ZNF827: variants seen among roughly 807,000 people sequenced by gnomAD.
ZNF827 encodes the protein zinc finger protein 827.
A neutral mutation model predicts 102.4 loss-of-function variants in ZNF827; 13 were observed. That is an observed-to-expected ratio of 0.13 (90% CI 0.08 to 0.20). The LOEUF (loss-of-function observed/expected upper bound fraction) is 0.20. Among genes scored for constraint, ZNF827 ranks in the 10% least tolerant of loss-of-function variants. The pLI, the probability that ZNF827 is intolerant of heterozygous loss-of-function variation, is 1.00. For synonymous variants in ZNF827, 523 were observed against 536.2 expected (o/e 0.98, Z 0.34); for missense variants, 1,103 against 1,344.4 (o/e 0.82, Z 2.81).
chr4:145,775,755 A>C (rs771632956), intron 10 of ZNF827, 34 bp downstream of exon 10: 2 of 1,612,270 alleles, frequency 1.2e-6, no homozygotes, highest in South Asian at 2.2e-5. Context: ...AGAGTCTGAG[A>C]AAGGCGGACT....
rs769538291 is a variant in ZNF827 at position 145,902,434 on chromosome 4, G to T, written c.825C>A (p.Ala275=). 1 of 1,614,178 alleles carries T rather than the reference G, an allele frequency of 6.2e-7. No homozygotes were observed. The highest frequency in any genetic ancestry group is 1.7e-5 in the Admixed American group (1 of 60,028). ...LTPGQEHPPP[A]SSFLSLASMT... ...TAGAAGCCAGGGAAAGGAAGGAGCT[G>T]GCCGGTGGAGGGTGCTCCTGACCAG... is the stretch of plus-strand genomic sequence containing the variant. Residue 275 remains alanine, a synonymous_variant, in exon 2 of 15, where the codon GCC becomes GCA. Coordinates refer to ENST00000508784, the MANE Select transcript of ZNF827 (RefSeq NM_001306215.2). This position sits in a 1 kb window ranked among gnomAD's most constrained non-coding sequence, Gnocchi z 4.3.
Position 145,779,248 on chromosome 4 carries a change from G to A in ZNF827, c.2521+126C>T. 2.4e-6 allele frequency: 3 copies of A among 1,273,464 alleles called. No individual in the cohort carries two copies. In the South Asian group the frequency reaches 5.1e-5, roughly 21 times the overall value. The allele number at this position is 1,273,464 out of a possible 1,614,324, so 78.9% of individuals were successfully genotyped here. A position where few individuals can be genotyped will look rare whatever the true frequency, so the allele number is the denominator to read the frequency against. ...TTCTTTAAACATGCCAGAGAAAATGGCTTGAAAAGGTCAGCCATTCCCAGC... is the reference window on the plus strand; with the variant it reads ...TTCTTTAAACATGCCAGAGAAAATGACTTGAAAAGGTCAGCCATTCCCAGC... On this transcript the variant is annotated intron_variant, in intron 9 of 14. Transcript: ENST00000508784.
chr4:145,919,468 T>C (rs989498457), intron 1 of ZNF827, among the ~76,000 whole-genome samples: 15 of 152,220 alleles, frequency 9.9e-5, no homozygotes, highest in African/African-American at 3.6e-4. Flanking sequence ...AAAAGCAGAA[T>C]GCTTTAGCAA....
chr4:145,786,401 A>C (rs1279142814), intron 8 of ZNF827, among the ~76,000 whole-genome samples: 1 of 152,252 alleles, frequency 6.6e-6, no homozygotes, highest in East Asian at 1.9e-4. Flanking sequence ...TATGACCTCA[A>C]TGCATAAATA....
intron 8 of ZNF827, among the ~76,000 whole-genome samples, chr4:145,807,220 A>T (rs1371271480): frequency 5.9e-5 from 9 of 152,212 alleles, no homozygotes; most frequent in African/African-American, 2.4e-5. Context: ...TCTCTGACAA[A>T]GACCTATCCT....
At chr4:145,807,548 C>T (rs1370728343) in intron 8 of ZNF827, among the ~76,000 whole-genome samples, 1 of 151,706 alleles carries the variant, frequency 6.6e-6, no homozygotes, top group Non-Finnish European at 1.5e-5. Context: ...TCTCAGCTCA[C>T]TGCAACCAAC....
intron 4 of ZNF827, among the ~76,000 whole-genome samples, chr4:145,873,782 C>T (rs1194551273): frequency 3.3e-5 from 5 of 152,136 alleles, no homozygotes; most frequent in Non-Finnish European, 5.9e-5. Context: ...GCTGGTCACC[C>T]TTCTAAAGCT....
intron 5 of ZNF827, among the ~76,000 whole-genome samples, chr4:145,863,345 C>T (rs1747899777): frequency 6.6e-6 from 1 of 152,200 alleles, no homozygotes; most frequent in South Asian, 2.1e-4. Context: ...TTGTCAGTTC[C>T]TTAAAATGTT....
At chr4:145,775,718 G>A (rs976067028) in intron 10 of ZNF827, 71 bp downstream of exon 10, 1 of 1,576,702 alleles carries the variant, frequency 6.3e-7, no homozygotes, top group Non-Finnish European at 8.7e-7. Flanking sequence ...TATGCCCACA[G>A]CAGACAGGTA....
At position 145,839,008 on chromosome 4, in the gene ZNF827, A is replaced by G. The variant is rs1745156287; in HGVS notation, c.2279+6948T>C. 2.6e-5 allele frequency: 4 copies of G among 152,364 alleles called. No homozygotes were observed. The South Asian group carries it at 8.3e-4, about 32-fold the overall frequency. The allele number at this position is 152,364 out of a possible 1,614,324, so 9.4% of individuals were successfully genotyped here. On this transcript the variant is annotated intron_variant, in intron 7 of 14. Coordinates refer to ENST00000508784, the MANE Select transcript of ZNF827 (RefSeq NM_001306215.2). ...ATGACCCTCAGTATCAGTCTGCTTCAGTTTCAGAAGTCTGAAAGCTATGGA... is the reference window on the plus strand; with the variant it reads ...ATGACCCTCAGTATCAGTCTGCTTCGGTTTCAGAAGTCTGAAAGCTATGGA...
intron 1 of ZNF827, among the ~76,000 whole-genome samples, chr4:145,904,253 A>G (rs1751651076): frequency 6.6e-6 from 1 of 152,202 alleles, no homozygotes; most frequent in Admixed American, 6.5e-5. Flanking sequence ...CTTCCTTACA[A>G]TTCTCCCTGG....
At chr4:145,800,083 T>C (rs1337481161) in intron 8 of ZNF827, among the ~76,000 whole-genome samples, 3 of 152,340 alleles carry the variant, frequency 2.0e-5, no homozygotes, top group Non-Finnish European at 4.4e-5. Flanking sequence ...AGTTAGTTTA[T>C]AGAGAGTAGG....
chr4:145,908,232 T>G (rs1344831785), intron 1 of ZNF827, among the ~76,000 whole-genome samples: 1 of 152,206 alleles, frequency 6.6e-6, no homozygotes, highest in East Asian at 1.9e-4. Context: ...GAAGGAAGCC[T>G]AAAAGTCCCA....
chr4:145,901,594 T>TA (rs537644051), intron 2 of ZNF827, among the ~76,000 whole-genome samples: 201 of 152,334 alleles, frequency 1.3e-3, no homozygotes, highest in African/African-American at 4.7e-3. Context: ...TGAGTTCTTA[T>TA]AGGACAAGAA....
At chr4:145,777,152 C>T (rs1327888680) in intron 9 of ZNF827, among the ~76,000 whole-genome samples, 1 of 152,154 alleles carries the variant, frequency 6.6e-6, no homozygotes, top group African/African-American at 2.4e-5. Flanking sequence ...TATAGGTGGT[C>T]CCCAACATCT....
intron 1 of ZNF827, among the ~76,000 whole-genome samples, chr4:145,909,707 A>G (rs1752130910): frequency 6.6e-6 from 1 of 152,240 alleles, no homozygotes; most frequent in Admixed American, 6.5e-5. Context: ...TCTGCCGCAT[A>G]TCAGGCTGTT....
At chr4:145,844,520 A>T (rs895166517) in intron 7 of ZNF827, among the ~76,000 whole-genome samples, 1 of 151,558 alleles carries the variant, frequency 6.6e-6, no homozygotes, top group Non-Finnish European at 1.5e-5. Flanking sequence ...TCTTTACAAA[A>T]AATACAAAAA....
chr4:145,764,477 T>C (rs1469624238), intron 13 of ZNF827, among the ~76,000 whole-genome samples: 1 of 152,224 alleles, frequency 6.6e-6, no homozygotes, highest in South Asian at 2.1e-4. Flanking sequence ...ATCAGTATGT[T>C]TGCAGGAGGA....
chr4:145,810,302 A>G (rs1448810393), intron 8 of ZNF827, among the ~76,000 whole-genome samples: 1 of 152,108 alleles, frequency 6.6e-6, no homozygotes, highest in African/African-American at 2.4e-5. Flanking sequence ...TTATTGCTTT[A>G]TATTTTTAGC....
Sources: gnomAD v4.1 joint callset for allele counts (sites outside exome capture counted in the v4.1 genomes callset) on GRCh38, gnomAD v4.1.1 for gene constraint, Gnocchi (gnomAD v3.1) non-coding constraint, MANE v1.5 for transcripts, NCBI Gene and HGNC (gene_info 2026-07-23, HGNC 2026-07-21) for gene names.